The following SLC6A6 variants were observed in gnomAD, a reference collection of about 807,000 sequenced individuals.
SLC6A6 encodes the protein solute carrier family 6 member 6, also known as sodium- and chloride-dependent taurine transporter.
Under a neutral mutation model 68.8 loss-of-function variants are expected in SLC6A6, and 16 were observed. That is an observed-to-expected ratio of 0.23 (90% CI 0.16 to 0.35). SLC6A6 has a LOEUF of 0.35. Among genes scored for constraint, SLC6A6 ranks in the 10% least tolerant of loss-of-function variants. The probability of loss-of-function intolerance (pLI) is 1.00; values close to 1 mark genes in which losing one functional copy is unlikely to be tolerated. For synonymous variants in SLC6A6, 312 were observed against 315.4 expected (o/e 0.99, Z 0.12); for missense variants, 474 against 802.8 (o/e 0.59, Z 4.95).
At chr3:14,417,932 G>A (rs957445095) in intron 2 of SLC6A6, among the ~76,000 whole-genome samples, 23 of 152,164 alleles carry the variant, frequency 1.5e-4, no homozygotes, top group African/African-American at 5.6e-4. Flanking sequence ...AAGGGTTTAA[G>A]GGATGTCTCC....
intron 2 of SLC6A6, among the ~76,000 whole-genome samples, chr3:14,421,218 TG>T (rs1364886692): frequency 6.6e-6 from 1 of 152,120 alleles, no homozygotes; most frequent in Non-Finnish European, 1.5e-5. Context: ...CTTTCTCATT[TG>T]GGGGAGATGA....
intron 2 of SLC6A6, among the ~76,000 whole-genome samples, chr3:14,418,515 AG>A (rs1699414621): frequency 6.6e-6 from 1 of 152,112 alleles, no homozygotes; most frequent in African/African-American, 2.4e-5. Context: ...GCAGGCATGG[AG>A]GTGACCTACT....
chr3:14,445,041 G>A (rs530834417), intron 3 of SLC6A6, among the ~76,000 whole-genome samples: 18 of 115,682 alleles, frequency 1.6e-4, no homozygotes, highest in South Asian at 3.0e-4. Flanking sequence ...AAGAGGCGAC[G>A]TGTGAGTGGG....
In SLC6A6 at chr3:14,479,081, G is replaced by T. The variant is rs1362734002; in HGVS notation, c.1451-4G>T. On this transcript the variant is annotated splice_polypyrimidine_tract_variant and splice_region_variant and intron_variant, in intron 12 of 14. Transcript: ENST00000622186. ...CAGAAAATGTCCCCCTCTGTCTCTT[G>T]CAGGAGGTGATAACCTTTATGATGG... The T allele has an allele frequency of 6.2e-7, 1 of 1,600,794 alleles. No homozygotes were observed. Among genetic ancestry groups the T allele is most frequent in the Non-Finnish European group, 8.6e-7 (1 of 1,167,996 alleles).
chr3:14,467,763 G>T, intron 7 of SLC6A6, 90 bp from the exon 8 acceptor site: 2 of 725,878 alleles, frequency 2.8e-6, no homozygotes, highest in Non-Finnish European at 4.7e-6. Context: ...CCAGGCCATC[G>T]CCAGGTGGAC....
chr3:14,446,090 GC>G (rs1366242425), intron 4 of SLC6A6, among the ~76,000 whole-genome samples: 7 of 152,346 alleles, frequency 4.6e-5, no homozygotes, highest in African/African-American at 1.7e-4. Flanking sequence ...GGCCCAGCAT[GC>G]CCACTTCCCT....
chr3:14,410,718 T>C (rs1317864954), intron 1 of SLC6A6, among the ~76,000 whole-genome samples: 1 of 152,248 alleles, frequency 6.6e-6, no homozygotes, highest in Admixed American at 6.5e-5. Flanking sequence ...TCCCTCCTCA[T>C]GCTGGGGTGC....
chr3:14,421,159 C>T lies in SLC6A6; in HGVS notation c.-12+4706C>T, dbSNP rs1574914834. ...CTCCTGCCTTCGGGACTTTAGGAAA[C>T]GGGATTTAAAACAATTCATCCCAGA... On this transcript the variant is annotated intron_variant, in intron 2 of 14. Coordinates refer to ENST00000622186, the MANE Select transcript of SLC6A6 (RefSeq NM_003043.6). 2.6e-5 allele frequency among the ~76,000 whole-genome samples: 4 copies of T among 152,176 alleles called. No individual in the cohort carries two copies. In the South Asian group the frequency reaches 6.2e-4, roughly 24 times the overall value.
intron 4 of SLC6A6, among the ~76,000 whole-genome samples, chr3:14,446,507 T>C (rs956200808): frequency 2.6e-5 from 4 of 152,154 alleles, no homozygotes; most frequent in Non-Finnish European, 5.9e-5. Context: ...CTCAGTTTCA[T>C]GCAATATTCT....
rs1701004712 is a variant in SLC6A6 at position 14,481,469 on chromosome 3, G to A, written c.1552-202G>A. On this transcript the variant is annotated intron_variant, in intron 13 of 14. Transcript: ENST00000622186. This position sits in a 1 kb window ranked among gnomAD's most constrained non-coding sequence, Gnocchi z 4.7. Reference sequence around the variant, plus strand: ...TGCTGGCACTGGGAGCCACAGAAGGGTTTTGAGCAGGGAAACGACTTACTG... The same window carrying A: ...TGCTGGCACTGGGAGCCACAGAAGGATTTTGAGCAGGGAAACGACTTACTG... Among the ~76,000 whole-genome samples, 4 of 152,106 alleles carry A rather than the reference G, an allele frequency of 2.6e-5. No individual in the cohort carries two copies. In the South Asian group the frequency reaches 8.3e-4, roughly 32 times the overall value.
intron 5 of SLC6A6, among the ~76,000 whole-genome samples, chr3:14,448,894 T>C (rs1339224503): frequency 3.9e-5 from 6 of 152,236 alleles, no homozygotes; most frequent in African/African-American, 1.2e-4. Context: ...GGCTCAGCAC[T>C]CAAGTGCAGC....
chr3:14,451,993 C>T (rs905136459), intron 5 of SLC6A6, among the ~76,000 whole-genome samples: 1 of 152,210 alleles, frequency 6.6e-6, no homozygotes, highest in Non-Finnish European at 1.5e-5. Context: ...CCGTCCTTTC[C>T]TTCAGCAGGA....
chr3:14,413,755 A>G (rs1053924569), intron 1 of SLC6A6, among the ~76,000 whole-genome samples: 1 of 152,054 alleles, frequency 6.6e-6, no homozygotes. Context: ...CGTGATAACT[A>G]GAGTGCCAGG....
intron 2 of SLC6A6, among the ~76,000 whole-genome samples, chr3:14,441,460 GC>G (rs1699984702): frequency 1.3e-5 from 2 of 152,184 alleles, no homozygotes. Flanking sequence ...GCAGAGAAAG[GC>G]GGCGCGGATG....
chr3:14,444,796 A>C lies in SLC6A6; in HGVS notation c.230-921A>C. 6 of 456,694 alleles carry C rather than the reference A, an allele frequency of 1.3e-5. 2 individuals are homozygous for C. The highest frequency in any genetic ancestry group is 9.3e-5 in the South Asian group (6 of 64,570). 28.3% of individuals were successfully genotyped at this position (456,694 alleles called of 1,614,324 possible). ...CTAGACGCTCCCCAGAACAAAGCACATACACTAGACCCAAGTTGCCCACAG... is the reference window on the plus strand; with the variant it reads ...CTAGACGCTCCCCAGAACAAAGCACCTACACTAGACCCAAGTTGCCCACAG... On this transcript the variant is annotated intron_variant, in intron 3 of 14. Coordinates refer to ENST00000622186, the MANE Select transcript of SLC6A6 (RefSeq NM_003043.6).
intron 2 of SLC6A6, 140 bp downstream of exon 2, chr3:14,416,593 C>T: frequency 5.1e-6 from 2 of 395,472 alleles, no homozygotes; most frequent in Non-Finnish European, 8.9e-6. Context: ...AGACCTTGTC[C>T]ACACCTCACC....
At chr3:14,439,508 C>T (rs1024978685) in intron 2 of SLC6A6, among the ~76,000 whole-genome samples, 1 of 152,210 alleles carries the variant, frequency 6.6e-6, no homozygotes, top group East Asian at 1.9e-4. Context: ...AACACAGAGA[C>T]AAGGAGAATG....
intron 6 of SLC6A6, among the ~76,000 whole-genome samples, chr3:14,459,883 CTTTTTT>C (rs869191764): frequency 2.5e-5 from 1 of 40,178 alleles, no homozygotes; most frequent in African/African-American, 1.2e-4. Context: ...TAATTCTCTT[CTTTTTT>C]TTTTTTTTTT....
At chr3:14,418,138 T>C (rs941678167) in intron 2 of SLC6A6, among the ~76,000 whole-genome samples, 1 of 152,244 alleles carries the variant, frequency 6.6e-6, no homozygotes, top group Non-Finnish European at 1.5e-5. Flanking sequence ...TGGTCTGCTC[T>C]GTCTTCCTTT....
Sources: allele counts gnomAD v4.1 joint callset (sites outside exome capture counted in the v4.1 genomes callset), GRCh38; gene constraint gnomAD v4.1.1; non-coding constraint Gnocchi (gnomAD v3.1); transcripts MANE v1.5; gene names NCBI Gene and HGNC (gene_info 2026-07-23, HGNC 2026-07-21).